N4BP2L2: variants seen among roughly 807,000 people sequenced by gnomAD.
N4BP2L2 encodes the protein NEDD4-binding protein 2-like 2.
N4BP2L2 carries 50 observed loss-of-function variants against 56.2 expected under a neutral mutation model. The observed-to-expected ratio is 0.89, with a 90% CI of 0.71 to 1.13. N4BP2L2 has a LOEUF of 1.13. N4BP2L2 is among the 50% of genes most tolerant of loss of function. N4BP2L2 has a pLI of 0.00. For missense variants in N4BP2L2, 689 were observed against 693.8 expected (o/e 0.99, Z 0.08); for synonymous variants, 203 against 223.6 (o/e 0.91, Z 0.82).
At chr13:32,538,771 A>G in exon 1 of N4BP2L2, 1 of 985,312 alleles carries the variant, frequency 1.0e-6, no homozygotes, top group Non-Finnish European at 1.2e-6. Flanking sequence ...GCGGTAACAA[A>G]CCTCACCTCC....
intron 6 of N4BP2L2, among the ~76,000 whole-genome samples, chr13:32,483,338 A>C (rs1361614494): frequency 6.6e-6 from 1 of 152,210 alleles, no homozygotes; most frequent in Non-Finnish European, 1.5e-5. Context: ...TTCAAAAAAG[A>C]AAAAAACGCA....
chr13:32,509,815 TTTCTA>T (rs1283352562), downstream of N4BP2L2, among the ~76,000 whole-genome samples: 4 of 152,128 alleles, frequency 2.6e-5, no homozygotes, highest in Non-Finnish European at 4.4e-5. Context: ...AATTCCAACT[TTTCTA>T]TTCTAAACAA....
At chr13:32,492,272 A>ATTTTTTTTTTTTTTTTTTTTTTTTT (rs1185615708) in intron 6 of N4BP2L2, among the ~76,000 whole-genome samples, 1 of 77,042 alleles carries the variant, frequency 1.3e-5, no homozygotes, top group African/African-American at 5.7e-5. Context: ...AAAACACCAA[A>ATTTTTTTTTTTTTTTTTTTTTTTTT]ATTTTTTTTT....
At chr13:32,493,218 C>A (rs2087627226) in intron 6 of N4BP2L2, among the ~76,000 whole-genome samples, 1 of 152,068 alleles carries the variant, frequency 6.6e-6, no homozygotes, top group Admixed American at 6.6e-5. Flanking sequence ...AGCCACCGTG[C>A]CCAGTCTCTT....
chr13:32,537,655 AGGG>A, intron 1 of N4BP2L2, among the ~76,000 whole-genome samples: 1 of 152,320 alleles, frequency 6.6e-6, no homozygotes, highest in Non-Finnish European at 1.5e-5. Flanking sequence ...TTCATTTAAA[AGGG>A]GGGAAGAGAT....
At chr13:32,479,684 C>A (rs573482202) in intron 6 of N4BP2L2, among the ~76,000 whole-genome samples, 2 of 148,022 alleles carry the variant, frequency 1.4e-5, no homozygotes, top group African/African-American at 2.5e-5. Context: ...CTGAAAAAAA[C>A]CTTGTCAACA....
chr13:32,458,981 A>T (rs1025052767), intron 6 of N4BP2L2, among the ~76,000 whole-genome samples: 2 of 152,330 alleles, frequency 1.3e-5, no homozygotes, highest in Admixed American at 6.5e-5. Flanking sequence ...AGTCAATAAC[A>T]AGAGGAACTT....
chr13:32,535,212 G>A (rs2056234779), intron 2 of N4BP2L2, among the ~76,000 whole-genome samples: 1 of 152,138 alleles, frequency 6.6e-6, no homozygotes, highest in South Asian at 2.1e-4. Flanking sequence ...GGAAATAACT[G>A]AGTCAATACC....
chr13:32,485,546 T>C (rs148933406), intron 6 of N4BP2L2, among the ~76,000 whole-genome samples: 7 of 152,202 alleles, frequency 4.6e-5, no homozygotes, highest in African/African-American at 1.2e-4. Flanking sequence ...CTCAAAAAAA[T>C]AGCTGACTAA....
At position 32,518,016 on chromosome 13, in the gene N4BP2L2, A is replaced by G. The variant is rs2049634458; in HGVS notation, c.1551-13T>C. 6.2e-7 allele frequency: 1 copy of G among 1,610,762 alleles called. No homozygotes were observed. The highest frequency in any genetic ancestry group is 8.5e-7 in the Non-Finnish European group (1 of 1,179,006). On this transcript the variant is annotated splice_polypyrimidine_tract_variant and intron_variant, in intron 5 of 5. Transcript: ENST00000267068. ...ATGTTTATTCCTCCTAACAAAAAAGAAAAGGATTGTAAATCTTTGTTGCAG... is the reference window on the plus strand; with the variant it reads ...ATGTTTATTCCTCCTAACAAAAAAGGAAAGGATTGTAAATCTTTGTTGCAG...
chr13:32,518,757 C>A (rs1459053460), intron 5 of N4BP2L2, among the ~76,000 whole-genome samples: 1 of 152,150 alleles, frequency 6.6e-6, no homozygotes, highest in African/African-American at 2.4e-5. Context: ...TTCTGAGATG[C>A]TGGCAATGCT....
At chr13:32,434,179 C>T (rs1319107478) in intron 9 of N4BP2L2, among the ~76,000 whole-genome samples, 6 of 149,622 alleles carry the variant, frequency 4.0e-5, no homozygotes, top group Non-Finnish European at 8.9e-5. Context: ...CGGGTTCAAA[C>T]AATTCTCCTG....
At chr13:32,502,821 C>T (rs143500665) in intron 6 of N4BP2L2, among the ~76,000 whole-genome samples, 1 of 152,298 alleles carries the variant, frequency 6.6e-6, no homozygotes, top group East Asian at 1.9e-4. Context: ...TCACTATATA[C>T]TTCTCGATGA....
At chr13:32,489,318 A>T (rs2086562650) in intron 6 of N4BP2L2, among the ~76,000 whole-genome samples, 2 of 152,218 alleles carry the variant, frequency 1.3e-5, no homozygotes, top group Non-Finnish European at 1.5e-5. Flanking sequence ...TTACTTTGAC[A>T]TAATAGTGCT....
exon 6 of N4BP2L2, chr13:32,517,549 A>T (rs2049508249): frequency 8.2e-7 from 1 of 1,215,412 alleles, no homozygotes; most frequent in Admixed American, 4.1e-5. Context: ...GCTCCTACCC[A>T]CCACTCTATT....
intron 1 of N4BP2L2, among the ~76,000 whole-genome samples, chr13:32,538,070 T>TGTG (rs2057022363): frequency 1.5e-5 from 1 of 64,728 alleles, no homozygotes; most frequent in Non-Finnish European, 3.1e-5. Flanking sequence ...GACCCCGTCT[T>TGTG]GGGGGGGGGG....
chr13:32,495,137 C>T (rs1434274053), intron 6 of N4BP2L2, among the ~76,000 whole-genome samples: 1 of 152,168 alleles, frequency 6.6e-6, no homozygotes, highest in African/African-American at 2.4e-5. Flanking sequence ...TTCTTATGCA[C>T]AAACTGCTAT....
downstream of N4BP2L2, chr13:32,506,168 A>G (rs2090914722): frequency 6.6e-6 from 1 of 151,756 alleles, no homozygotes; most frequent in Non-Finnish European, 1.5e-5. Context: ...TGGCTTGTAG[A>G]TGGCCATCTT....
chr13:32,497,767 A>G (rs1298346778), intron 6 of N4BP2L2, among the ~76,000 whole-genome samples: 1 of 152,212 alleles, frequency 6.6e-6, no homozygotes, highest in East Asian at 1.9e-4. Flanking sequence ...GAGGCTGCAT[A>G]AGTTATTCAA....
Sources: gnomAD v4.1 joint callset for allele counts (sites outside exome capture counted in the v4.1 genomes callset) on GRCh38, gnomAD v4.1.1 for gene constraint, MANE v1.5 for transcripts, NCBI Gene and HGNC (gene_info 2026-07-23, HGNC 2026-07-21) for gene names.